Variants in POLA1 observed in about 807,000 individuals in gnomAD.
POLA1 encodes DNA polymerase alpha 1, catalytic subunit.
A neutral mutation model predicts 124.0 loss-of-function variants in POLA1; 15 were observed. The observed-to-expected ratio is 0.12, with a 90% confidence interval of 0.08 to 0.19. The LOEUF (loss-of-function observed/expected upper bound fraction) is 0.19, where lower values mean the gene tolerates loss of function less well. POLA1 is among the 10% of genes least tolerant of loss of function. The probability of loss-of-function intolerance (pLI) is 1.00; values close to 1 mark genes in which losing one functional copy is unlikely to be tolerated. For synonymous variants in POLA1, 408 were observed against 389.4 expected, an observed-to-expected ratio of 1.05 and a Z score of -0.56; for missense variants, 886 against 1,103.4, an observed-to-expected ratio of 0.80 and a Z score of 2.79.
At chrX:24,877,434 C>T (rs2046949167) in intron 34 of POLA1, among the ~76,000 whole-genome samples, 1 of 111,739 alleles carries the variant, frequency 8.9e-6, no homozygotes, top group Non-Finnish European at 1.9e-5. Context: ...TTGTGAACCC[C>T]TCTGGCTGAT....
intron 35 of POLA1, among the ~76,000 whole-genome samples, chrX:24,897,363 C>A (rs1465664717): frequency 9.7e-6 from 1 of 103,298 alleles, no homozygotes; most frequent in Non-Finnish European, 2.0e-5. Flanking sequence ...CACTGCCCCC[C>A]CCCCCACCAA....
chrX:24,788,588 C>T (rs371802121), intron 26 of POLA1: 7 of 1,188,957 alleles, frequency 5.9e-6, no homozygotes, highest in African/African-American at 3.5e-5. Flanking sequence ...GCTTCTGACG[C>T]GCTCCTCTAA....
chrX:24,694,469 G>T (rs780671429), intron 1 of POLA1, among the ~76,000 whole-genome samples: 2 of 112,117 alleles, frequency 1.8e-5, no homozygotes, highest in South Asian at 7.4e-4. Context: ...CTGTCATCGG[G>T]GAATAACGCG....
intron 35 of POLA1, among the ~76,000 whole-genome samples, chrX:24,896,252 C>G (rs1226585198): frequency 1.8e-5 from 2 of 111,152 alleles, no homozygotes; most frequent in African/African-American, 3.3e-5. Flanking sequence ...AAACATCTTG[C>G]AGTACACAGG....
At chrX:24,880,857 A>T in intron 34 of POLA1, among the ~76,000 whole-genome samples, 1 of 111,667 alleles carries the variant, frequency 9.0e-6, no homozygotes. Context: ...TAGTTTTGGT[A>T]TAGGGGTGGT....
intron 34 of POLA1, among the ~76,000 whole-genome samples, chrX:24,859,805 G>A (rs901115542): frequency 8.9e-6 from 1 of 112,573 alleles, no homozygotes; most frequent in African/African-American, 3.2e-5. Context: ...TAGTATTTAT[G>A]TTTGATGGAA....
At chrX:24,954,536 T>C (rs1242758688) in intron 36 of POLA1, among the ~76,000 whole-genome samples, 2 of 112,682 alleles carry the variant, frequency 1.8e-5, no homozygotes, top group Non-Finnish European at 3.7e-5. Context: ...GAAAGGCAGC[T>C]TTTTTAATGC....
intron 36 of POLA1, among the ~76,000 whole-genome samples, chrX:24,943,844 CTTG>C (rs1006405538): frequency 8.9e-6 from 1 of 111,987 alleles, no homozygotes; most frequent in Non-Finnish European, 1.9e-5. Context: ...TCTGCTATTC[CTTG>C]TTGTACGGCA....
chrX:24,905,301 T>C (rs1050909025), intron 35 of POLA1, among the ~76,000 whole-genome samples: 1 of 107,811 alleles, frequency 9.3e-6, no homozygotes, highest in Non-Finnish European at 1.9e-5. Flanking sequence ...ACAATTTTCA[T>C]AGGATTGAAA....
chrX:24,894,515 T>G (rs1269747364), intron 35 of POLA1, among the ~76,000 whole-genome samples: 3 of 112,268 alleles, frequency 2.7e-5, no homozygotes, highest in Non-Finnish European at 3.8e-5. Flanking sequence ...ATGTCTGAAA[T>G]CCAAGTGTTG....
intron 10 of POLA1, among the ~76,000 whole-genome samples, chrX:24,720,534 T>C (rs900634019): frequency 3.6e-5 from 4 of 112,192 alleles, no homozygotes; most frequent in African/African-American, 1.3e-4. Context: ...AGTTTGCATC[T>C]TAATGCCTTG....
intron 35 of POLA1, among the ~76,000 whole-genome samples, chrX:24,918,969 C>T (rs2047573978): frequency 8.9e-6 from 1 of 111,951 alleles, no homozygotes; most frequent in East Asian, 2.8e-4. Context: ...GTGATCAAAA[C>T]ACCTCCCATT....
intron 2 of POLA1, among the ~76,000 whole-genome samples, chrX:24,700,505 A>G (rs1056094868): frequency 2.6e-4 from 29 of 112,046 alleles, no homozygotes; most frequent in Admixed American, 9.5e-5. Context: ...TAAAACAGGA[A>G]TAAAGCATTT....
chrX:24,826,414 T>C lies in POLA1; in HGVS notation c.3562-13T>C. 2.6e-6 allele frequency: 3 copies of C among 1,159,462 alleles called. No homozygotes were observed. The highest frequency in any genetic ancestry group is 3.5e-6 in the Non-Finnish European group (3 of 864,142). ...CTTCTTTTTACGTGTCTTTTTATCATATCTTCTTTTAGGATGGATCAAACC... is the reference window on the plus strand; with the variant it reads ...CTTCTTTTTACGTGTCTTTTTATCACATCTTCTTTTAGGATGGATCAAACC... On this transcript the variant is annotated splice_polypyrimidine_tract_variant and intron_variant, in intron 31 of 36. Coordinates refer to ENST00000379068, the MANE Select transcript of POLA1 (RefSeq NM_001330360.2).
At chrX:24,929,128 C>G (rs1473852256) in intron 35 of POLA1, among the ~76,000 whole-genome samples, 1 of 112,059 alleles carries the variant, frequency 8.9e-6, no homozygotes, top group African/African-American at 3.2e-5. Context: ...TTAGTTACTC[C>G]TGCACCAAAT....
chrX:24,871,531 G>C (rs1382910098), intron 34 of POLA1, among the ~76,000 whole-genome samples: 2 of 112,082 alleles, frequency 1.8e-5, no homozygotes, highest in Admixed American at 9.5e-5. Context: ...TGCTAGGAAT[G>C]TGTATATTTT....
intron 36 of POLA1, among the ~76,000 whole-genome samples, chrX:24,978,021 G>T (rs766503791): frequency 1.8e-5 from 2 of 111,852 alleles, no homozygotes; most frequent in Non-Finnish European, 3.8e-5. Flanking sequence ...TTTTCTGCTC[G>T]CTAGCTTTTG....
rs1930972489 is a variant in POLA1 at position 24,732,458 on chromosome X, T to C, written c.1771+4T>C. On this transcript the variant is annotated splice_donor_region_variant and intron_variant, in intron 16 of 36. Transcript: ENST00000379068. ...CCCTTTCAGTCACACTTCTGTGGTA[T>C]GTATTTTTTTTTAAGCTGGCTTACT... is the stretch of plus-strand genomic sequence containing the variant. The C allele has an allele frequency of 1.8e-6, 2 of 1,124,074 alleles. No individual in the cohort carries two copies. Among genetic ancestry groups the C allele is most frequent in the Non-Finnish European group, 2.4e-6 (2 of 817,037 alleles). The allele number at this position is 1,124,074 out of a possible 1,213,427, so 92.6% of individuals were successfully genotyped here.
intron 34 of POLA1, among the ~76,000 whole-genome samples, chrX:24,853,399 A>G (rs966502316): frequency 1.3e-4 from 15 of 112,209 alleles, no homozygotes; most frequent in African/African-American, 4.5e-4. Flanking sequence ...GTGCTCTGGT[A>G]TATTAAAATC....
Sources: allele counts gnomAD v4.1 joint callset (sites outside exome capture counted in the v4.1 genomes callset), GRCh38; gene constraint gnomAD v4.1.1; transcripts MANE v1.5; gene names NCBI Gene and HGNC (gene_info 2026-07-23, HGNC 2026-07-21).